Variants in VWF observed in about 807,000 individuals in gnomAD.
VWF encodes von Willebrand factor.
Under a neutral mutation model 308.6 loss-of-function variants are expected in VWF, and 176 were observed. The observed-to-expected ratio is 0.57, with a 90% CI of 0.50 to 0.65. The LOEUF is 0.65. Ranked by LOEUF, VWF falls within the 30% of genes least tolerant of loss-of-function variation. The pLI, the probability that VWF is intolerant of heterozygous loss-of-function variation, is 0.00. For missense variants in VWF, 3,146 were observed against 3,648.2 expected, an observed-to-expected ratio of 0.86 and a Z score of 3.55; for synonymous variants, 1,385 against 1,443.4, an observed-to-expected ratio of 0.96 and a Z score of 0.92.
In VWF at chr12:5,994,153, C is replaced by T; in HGVS notation, c.6307G>A (p.Val2103Ile). ...ACAAGTGTTTTCCAGTCTGTGGTGA[C>T]TGTGCCATCCCTCAGCATGAAGTCA... ...ANDFMLRDGT[V>I]TTDWKTLVQE... The change falls in exon 37 of 52, where the codon GTC (valine) becomes ATC (isoleucine). Residue 2103 changes from valine to isoleucine, a missense_variant. Coordinates refer to ENST00000261405, the MANE Select transcript of VWF (RefSeq NM_000552.5). 2 of 1,614,204 alleles carry T rather than the reference C, an allele frequency of 1.2e-6. No homozygotes were observed. The highest frequency in any genetic ancestry group is 1.7e-6 in the Non-Finnish European group (2 of 1,180,032).
At chr12:5,967,629 C>A in intron 46 of VWF, 27 bp from the exon 47 acceptor site, 1 of 1,568,596 alleles carries the variant, frequency 6.4e-7, no homozygotes, top group South Asian at 1.1e-5. Flanking sequence ...CAGGGTCAGG[C>A]CCCCCAGCAT....
intron 47 of VWF, among the ~76,000 whole-genome samples, chr12:5,954,167 C>T (rs1943222929): frequency 6.6e-6 from 1 of 152,196 alleles, no homozygotes; most frequent in African/African-American, 2.4e-5. Flanking sequence ...TGGTAATAGT[C>T]TTATTTTGTC....
At chr12:6,096,896 GTAAA>G (rs1461132740) in intron 5 of VWF, among the ~76,000 whole-genome samples, 1 of 152,184 alleles carries the variant, frequency 6.6e-6, no homozygotes, top group Non-Finnish European at 1.5e-5. Flanking sequence ...TTTGCAAATA[GTAAA>G]TAAACTGTCC....
intron 3 of VWF, among the ~76,000 whole-genome samples, chr12:6,120,330 T>G (rs2136534308): frequency 6.6e-6 from 1 of 150,656 alleles, no homozygotes; most frequent in East Asian, 1.9e-4. Context: ...TGTGGGTTGT[T>G]TTTTTTTTTG....
At position 5,992,155 on chromosome 12, in the gene VWF, C is replaced by A. The variant is rs898810270; in HGVS notation, c.6599-137G>T. ...CTATTTTCCACCAATCTTCATCCTC[C>A]CCACCTTCCATAGAAACAGAACTTT... On this transcript the variant is annotated intron_variant, in intron 37 of 51. Coordinates refer to ENST00000261405, the MANE Select transcript of VWF (RefSeq NM_000552.5). The A allele has an allele frequency of 4.2e-5, 33 of 780,108 alleles. No individual in the cohort carries two copies. The Admixed American group carries it at 5.3e-4, about 13-fold the overall frequency. 48.3% of individuals were successfully genotyped at this position (780,108 alleles called of 1,614,324 possible).
chr12:6,106,060 T>G (rs1391066195), intron 5 of VWF, among the ~76,000 whole-genome samples: 1 of 151,886 alleles, frequency 6.6e-6, no homozygotes, highest in East Asian at 1.9e-4. Flanking sequence ...TAAAGAAGAA[T>G]TGAAAGCAGG....
intron 40 of VWF, among the ~76,000 whole-genome samples, chr12:5,983,938 G>C (rs893621795): frequency 6.6e-6 from 1 of 150,618 alleles, no homozygotes; most frequent in Non-Finnish European, 1.5e-5. Context: ...GATAGAGATA[G>C]GACAGATGAT....
At chr12:6,093,289 G>T (rs1167292762) in intron 6 of VWF, among the ~76,000 whole-genome samples, 2 of 152,056 alleles carry the variant, frequency 1.3e-5, no homozygotes, top group African/African-American at 4.8e-5. Context: ...GCTGCCAAGG[G>T]CTCACCACTG....
Position 6,011,281 on chromosome 12 carries a change from C to T in VWF, c.5842+336G>A, listed in dbSNP as rs1199982313. Among the ~76,000 whole-genome samples, 5 of 152,358 alleles carry T rather than the reference C, an allele frequency of 3.3e-5. No homozygotes were observed. The East Asian group carries it at 9.6e-4, about 29-fold the overall frequency. ...CGTCTCTCTCACTGCTATACTTCCA[C>T]TGCTATACCCTGAATACACAGATTC... On this transcript the variant is annotated intron_variant, in intron 34 of 51. Transcript: ENST00000261405.
chr12:6,101,327 A>C lies in VWF; in HGVS notation c.533-5743T>G, dbSNP rs546940844. On this transcript the variant is annotated intron_variant, in intron 5 of 51. Coordinates refer to ENST00000261405, the MANE Select transcript of VWF (RefSeq NM_000552.5). ...CAAGCTACCAATGTGATATCAGTGA[A>C]TGTGGAGCTGGGAAGAGATACACAC... Among the ~76,000 whole-genome samples, 67 of 152,276 alleles carry C rather than the reference A, an allele frequency of 4.4e-4. 1 individual carries two copies. In the South Asian group the frequency reaches 0.011, roughly 24 times the overall value.
At position 6,011,598 on chromosome 12, in the gene VWF, G is replaced by A. The variant is rs760670015; in HGVS notation, c.5842+19C>T. 1 of 1,592,988 alleles carries A rather than the reference G, an allele frequency of 6.3e-7. No homozygotes were observed. Among genetic ancestry groups the A allele is most frequent in the East Asian group, 2.3e-5 (1 of 44,218 alleles). ...CTGCCCCTTTGACGCTGCCCTGGCT[G>A]GAGAAGCAAAGGACTCACAGGGGCA... is the stretch of plus-strand genomic sequence containing the variant. On this transcript the variant is annotated intron_variant, in intron 34 of 51. Transcript: ENST00000261405.
At chr12:6,085,259 G>C (rs1944955967) in intron 6 of VWF, among the ~76,000 whole-genome samples, 1 of 152,202 alleles carries the variant, frequency 6.6e-6, no homozygotes, top group African/African-American at 2.4e-5. Context: ...CACCCATCCT[G>C]CTCCCAGCAA....
chr12:6,110,247 A>G, intron 5 of VWF, 127 bp downstream of exon 5: 1 of 1,014,216 alleles, frequency 9.9e-7, no homozygotes, highest in South Asian at 1.3e-5. Context: ...TAAGGTTGGC[A>G]ACATAAATTG....
intron 20 of VWF, among the ~76,000 whole-genome samples, chr12:6,033,395 T>C (rs1401723250): frequency 6.6e-6 from 1 of 152,178 alleles, no homozygotes; most frequent in African/African-American, 2.4e-5. Context: ...ACTGGTCCAC[T>C]TGGGAAAGCT....
At chr12:6,061,921 A>G (rs1170826918) in intron 13 of VWF, among the ~76,000 whole-genome samples, 1 of 152,260 alleles carries the variant, frequency 6.6e-6, no homozygotes, top group Non-Finnish European at 1.5e-5. Flanking sequence ...TAAGCCAGCC[A>G]TTAAAGAAAT....
In VWF at chr12:5,991,954, A is replaced by G. The variant is rs1943749991; in HGVS notation, c.6663T>C (p.Asp2221=). 1.2e-6 allele frequency: 2 copies of G among 1,614,108 alleles called. No homozygotes were observed. Among genetic ancestry groups the G allele is most frequent in the Non-Finnish European group, 8.5e-7 (1 of 1,180,046 alleles). ...GGTCCCCACAGGAGCTCACGTTGCC[A>G]TCACAGTGCCGGGGACAGCCATGCT... ...HCEHGCPRHC[D]GNVSSCGDHP... is the part of the protein sequence containing the mutation. Residue 2221 remains aspartate, a synonymous_variant, in exon 38 of 52, where the codon GAT becomes GAC. Transcript: ENST00000261405.
Position 6,123,117 on chromosome 12 carries a change from G to A in VWF, c.55+25C>T, listed in dbSNP as rs751301308. 1.9e-6 allele frequency: 3 copies of A among 1,614,146 alleles called. No individual in the cohort carries two copies. The South Asian group carries it at 3.3e-5, about 18-fold the overall frequency. On this transcript the variant is annotated intron_variant, in intron 2 of 51. Coordinates refer to ENST00000261405, the MANE Select transcript of VWF (RefSeq NM_000552.5). ...CCAGATGGCCCTGGGGCAGGAATGA[G>A]AAATGGAGGCCCTTTTGTACCTACC... is the stretch of plus-strand genomic sequence containing the variant.
In VWF at chr12:6,018,928, A is replaced by C. The variant is rs1305235751; in HGVS notation, c.4490T>G (p.Leu1497Arg). 7.4e-6 allele frequency: 12 copies of C among 1,613,978 alleles called. No individual in the cohort carries two copies. The highest frequency in any genetic ancestry group is 1.0e-5 in the Non-Finnish European group (12 of 1,179,868). ...TLGPKRNSMV[L>R]DVAFVLEGSD... ...TCCTTCCAGGACGAACGCCACATCC[A>C]GAACCATGGAGTTCCTCTTGGGCCC... Residue 1497 changes from leucine (L) to arginine (R), a missense_variant, in exon 28 of 52, where the codon CTG becomes CGG. Physicochemically the swap from Leu to Arg is moderately radical, Grantham distance 102 (BLOSUM62 -2). Transcript: ENST00000261405.
chr12:6,046,847 C>G lies in VWF; in HGVS notation c.2187-30G>C, dbSNP rs1591882446. 5.0e-6 allele frequency: 8 copies of G among 1,605,562 alleles called. No individual in the cohort carries two copies. Among genetic ancestry groups the G allele is most frequent in the Non-Finnish European group, 6.8e-6 (8 of 1,173,746 alleles). ...AGAGAAGAAAATCATAGCCGAGCTT[C>G]ACGAGACTCGTCTATACTCGCTGCC... On this transcript the variant is annotated intron_variant, in intron 16 of 51. Transcript: ENST00000261405. This position sits in a 1 kb window ranked among gnomAD's most constrained non-coding sequence, Gnocchi z 5.0.
Sources: gnomAD v4.1 joint callset for allele counts (sites outside exome capture counted in the v4.1 genomes callset) on GRCh38, gnomAD v4.1.1 for gene constraint, Gnocchi (gnomAD v3.1) non-coding constraint, MANE v1.5 for transcripts, NCBI Gene and HGNC (gene_info 2026-07-23, HGNC 2026-07-21) for gene names.